ROPN1L: variants seen among roughly 807,000 people sequenced by gnomAD.
ROPN1L encodes the protein rhophilin associated tail protein 1 like.
ROPN1L carries 23 observed loss-of-function variants against 22.7 expected under a neutral mutation model. The observed-to-expected ratio is 1.01, with a 90% CI of 0.73 to 1.43. The LOEUF (loss-of-function observed/expected upper bound fraction) is 1.43, where lower values mean the gene tolerates loss of function less well. Ranked by LOEUF, ROPN1L falls within the 40% of genes most tolerant of loss-of-function variation. ROPN1L has a pLI of 0.00. For missense variants in ROPN1L, 271 were observed against 291.5 expected (o/e 0.93, Z 0.51); for synonymous variants, 116 against 117.8 (o/e 0.98, Z 0.10).
intron 3 of ROPN1L, among the ~76,000 whole-genome samples, chr5:10,458,589 T>G (rs1223812783): frequency 2.6e-5 from 1 of 37,928 alleles, no homozygotes; most frequent in Non-Finnish European, 4.6e-5. Flanking sequence ...ATGTACACCA[T>G]CCCCCTCATG....
chr5:10,459,275 C>G (rs1734956293), intron 3 of ROPN1L, among the ~76,000 whole-genome samples: 1 of 152,054 alleles, frequency 6.6e-6, no homozygotes, highest in African/African-American at 2.4e-5. Flanking sequence ...TTCCAGCAGC[C>G]TCCTTGCCAG....
At chr5:10,472,378 A>G (rs1435073840), downstream of ROPN1L, among the ~76,000 whole-genome samples, 2 of 152,222 alleles carry the variant, frequency 1.3e-5, no homozygotes, top group East Asian at 3.8e-4. Context: ...GGCTGGGCCC[A>G]TCACAGTGCT....
the ROPN1L span, among the ~76,000 whole-genome samples, chr5:10,478,479 G>A: frequency 2.6e-5 from 4 of 152,298 alleles, no homozygotes; most frequent in East Asian, 7.7e-4. Context: ...GCTCTGGCTG[G>A]GGGTGGGGGT....
intron 3 of ROPN1L, among the ~76,000 whole-genome samples, chr5:10,456,944 C>T (rs778569680): frequency 6.6e-6 from 1 of 152,280 alleles, no homozygotes; most frequent in African/African-American, 2.4e-5. Context: ...CCTGAGGCCC[C>T]GCAGTCCTGC....
intron 3 of ROPN1L, among the ~76,000 whole-genome samples, chr5:10,453,137 C>T (rs931750308): frequency 6.6e-6 from 1 of 152,260 alleles, no homozygotes; most frequent in Non-Finnish European, 1.5e-5. Context: ...TAGAAAGCCA[C>T]AGCCACCCTC....
At chr5:10,466,014 C>T (rs370203369), downstream of ROPN1L, among the ~76,000 whole-genome samples, 7 of 152,140 alleles carry the variant, frequency 4.6e-5, no homozygotes, top group South Asian at 2.1e-4. Context: ...GCCTAGCGTC[C>T]GTGGCTGGGG....
At chr5:10,470,528 G>GC (rs900212005) in intron 4 of ROPN1L, among the ~76,000 whole-genome samples, 56 of 152,310 alleles carry the variant, frequency 3.7e-4, no homozygotes, top group Admixed American at 2.8e-3. Flanking sequence ...AAGGCCAGAA[G>GC]CCCCCACAGG....
chr5:10,446,692 A>G (rs1340526996), intron 1 of ROPN1L, among the ~76,000 whole-genome samples: 1 of 149,670 alleles, frequency 6.7e-6, no homozygotes, highest in Non-Finnish European at 1.5e-5. Flanking sequence ...GAAATTGCCA[A>G]ATGCCTTTTG....
At chr5:10,450,696 G>A (rs1365910690) in intron 3 of ROPN1L, among the ~76,000 whole-genome samples, 1 of 152,172 alleles carries the variant, frequency 6.6e-6, no homozygotes, top group Non-Finnish European at 1.5e-5. Context: ...TAGAGACGGG[G>A]TTTCTCCATG....
chr5:10,469,466 G>A (rs988279301), downstream of ROPN1L, among the ~76,000 whole-genome samples: 1 of 152,078 alleles, frequency 6.6e-6, no homozygotes, highest in African/African-American at 2.4e-5. Flanking sequence ...CAGCCTGGGC[G>A]ATAGAGTGAG....
At chr5:10,481,350 G>C in the ROPN1L span, among the ~76,000 whole-genome samples, 1 of 152,262 alleles carries the variant, frequency 6.6e-6, no homozygotes, top group African/African-American at 2.4e-5. Context: ...AGGCTCAGGA[G>C]ACAGCGGACA....
chr5:10,462,083 G>A (rs1735042929), intron 4 of ROPN1L, among the ~76,000 whole-genome samples: 1 of 152,148 alleles, frequency 6.6e-6, no homozygotes, highest in Admixed American at 6.6e-5. Context: ...TAAGCCATCA[G>A]CCCCTCTCCC....
intron 4 of ROPN1L, among the ~76,000 whole-genome samples, chr5:10,462,001 C>G (rs906830045): frequency 7.9e-5 from 12 of 152,168 alleles, no homozygotes; most frequent in Admixed American, 1.3e-4. Context: ...ACTTTCTAAG[C>G]CCTGTCCTTT....
downstream of ROPN1L, among the ~76,000 whole-genome samples, chr5:10,468,789 G>A (rs145061530): frequency 3.9e-3 from 591 of 152,298 alleles, 3 homozygotes; most frequent in African/African-American, 0.014. Flanking sequence ...TTGCTATCAC[G>A]TGGAGAGGAG....
the ROPN1L span, among the ~76,000 whole-genome samples, chr5:10,478,394 A>G: frequency 2.0e-5 from 3 of 152,174 alleles, no homozygotes; most frequent in African/African-American, 7.2e-5. Flanking sequence ...TTATTCTCTC[A>G]CAGTCCTGGA....
chr5:10,463,800 T>G (rs1353547695), intron 4 of ROPN1L, among the ~76,000 whole-genome samples: 3 of 152,126 alleles, frequency 2.0e-5, no homozygotes, highest in Non-Finnish European at 2.9e-5. Context: ...GTAGGTCATG[T>G]TCAGTGCCAA....
the ROPN1L span, among the ~76,000 whole-genome samples, chr5:10,477,490 A>G: frequency 6.6e-6 from 1 of 152,360 alleles, no homozygotes; most frequent in East Asian, 1.9e-4. Flanking sequence ...CTGTTGATGG[A>G]CAGGAAGGAA....
chr5:10,446,257 G>T (rs1741059265), intron 1 of ROPN1L, among the ~76,000 whole-genome samples: 1 of 152,200 alleles, frequency 6.6e-6, no homozygotes, highest in South Asian at 2.1e-4. Context: ...TGACAGTTGG[G>T]GAGGGCACAG....
At chr5:10,473,428 TAA>T (rs1735277839), downstream of ROPN1L, among the ~76,000 whole-genome samples, 1 of 152,102 alleles carries the variant, frequency 6.6e-6, no homozygotes, top group African/African-American at 2.4e-5. Flanking sequence ...CTGCCATCAC[TAA>T]GGAGTGCTTG....
Sources: allele counts gnomAD v4.1 joint callset (sites outside exome capture counted in the v4.1 genomes callset), GRCh38; gene constraint gnomAD v4.1.1; transcripts MANE v1.5; gene names NCBI Gene and HGNC (gene_info 2026-07-23, HGNC 2026-07-21).